The following SORCS2 variants were observed in gnomAD, a reference collection of about 807,000 sequenced individuals.
SORCS2 encodes VPS10 domain-containing receptor SorCS2.
Under a neutral mutation model 141.6 loss-of-function variants are expected in SORCS2, and 100 were observed. The observed-to-expected ratio is 0.71, with a 90% CI of 0.60 to 0.83. The LOEUF is 0.83. Among genes scored for constraint, SORCS2 ranks in the 40% least tolerant of loss-of-function variants. The probability of loss-of-function intolerance (pLI) is 0.00; values close to 1 mark genes in which losing one functional copy is unlikely to be tolerated. For missense variants in SORCS2, 1,646 were observed against 1,560.2 expected, an observed-to-expected ratio of 1.05 and a Z score of -0.93; for synonymous variants, 789 against 676.9, an observed-to-expected ratio of 1.17 and a Z score of -2.57.
At chr4:7,514,781 T>G (rs1732874760) in intron 2 of SORCS2, among the ~76,000 whole-genome samples, 1 of 152,276 alleles carries the variant, frequency 6.6e-6, no homozygotes, top group East Asian at 1.9e-4. Context: ...GTCAGTCACG[T>G]AGGCCCATGT....
intron 3 of SORCS2, among the ~76,000 whole-genome samples, chr4:7,586,188 T>TC (rs960752112): frequency 4.6e-5 from 7 of 152,214 alleles, no homozygotes; most frequent in Admixed American, 1.3e-4. Flanking sequence ...GGCCATTTTT[T>TC]CCCTCCCATT....
At chr4:7,313,901 C>T (rs191813873) in intron 1 of SORCS2, among the ~76,000 whole-genome samples, 1 of 152,286 alleles carries the variant, frequency 6.6e-6, no homozygotes, top group East Asian at 1.9e-4. Context: ...AGGCCCTGTC[C>T]CATTGAGGGC....
At chr4:7,212,455 C>T (rs1728109874) in intron 1 of SORCS2, among the ~76,000 whole-genome samples, 1 of 152,220 alleles carries the variant, frequency 6.6e-6, no homozygotes, top group African/African-American at 2.4e-5. Flanking sequence ...CTCACAGAAC[C>T]AGAATGTCCA....
chr4:7,573,309 C>T (rs1421902229), intron 3 of SORCS2, among the ~76,000 whole-genome samples: 8 of 152,194 alleles, frequency 5.3e-5, no homozygotes, highest in Non-Finnish European at 1.5e-5. Flanking sequence ...AAATTAGCCA[C>T]TCCAGAGACA....
intron 20 of SORCS2, among the ~76,000 whole-genome samples, chr4:7,726,565 C>T (rs903078345): frequency 2.0e-5 from 3 of 152,116 alleles, no homozygotes; most frequent in African/African-American, 7.2e-5. Context: ...CAGAACAAGA[C>T]TCTGTCTCAA....
chr4:7,464,447 G>T (rs908052062), intron 2 of SORCS2, among the ~76,000 whole-genome samples: 1 of 152,210 alleles, frequency 6.6e-6, no homozygotes, highest in Non-Finnish European at 1.5e-5. Context: ...TGGAGGGCTG[G>T]TGGGAGCGGT....
Position 7,396,380 on chromosome 4 carries a change from T to C in SORCS2, c.548+25T>C, listed in dbSNP as rs191961483. On this transcript the variant is annotated intron_variant, in intron 2 of 26. Transcript: ENST00000507866. ...GGTAAGTCAGCCCGATGGCAGGCCTTTCTCTTATGCACCTGCGTGCCATCT... is the reference window on the plus strand; with the variant it reads ...GGTAAGTCAGCCCGATGGCAGGCCTCTCTCTTATGCACCTGCGTGCCATCT... 1.1e-4 allele frequency: 181 copies of C among 1,612,362 alleles called. No homozygotes were observed. In the African/African-American group the frequency reaches 2.2e-3, roughly 20 times the overall value.
At chr4:7,543,868 C>G (rs1712990342) in intron 3 of SORCS2, among the ~76,000 whole-genome samples, 1 of 141,850 alleles carries the variant, frequency 7.0e-6, no homozygotes, top group African/African-American at 2.7e-5. Flanking sequence ...ATCCACCCAT[C>G]CATCCAGCCA....
chr4:7,281,879 G>T lies in SORCS2; in HGVS notation c.480+88753G>T, dbSNP rs754490098. Among the ~76,000 whole-genome samples, 38 of 152,264 alleles carry T rather than the reference G, an allele frequency of 2.5e-4. 1 individual carries two copies. In the Middle Eastern group the frequency reaches 0.01, roughly 41 times the overall value. On this transcript the variant is annotated intron_variant, in intron 1 of 26. Coordinates refer to ENST00000507866, the MANE Select transcript of SORCS2 (RefSeq NM_020777.3). ...ATTCCTTTGCATGCCAGAGATGAGTGCCGAGGGACCGCATTTTCCAGGACT... is the reference window on the plus strand; with the variant it reads ...ATTCCTTTGCATGCCAGAGATGAGTTCCGAGGGACCGCATTTTCCAGGACT...
chr4:7,270,253 A>G (rs1257222026), intron 1 of SORCS2, among the ~76,000 whole-genome samples: 1 of 152,268 alleles, frequency 6.6e-6, no homozygotes, highest in Non-Finnish European at 1.5e-5. Context: ...GCCGCAGAGC[A>G]GGCGGCACCA....
intron 8 of SORCS2, among the ~76,000 whole-genome samples, chr4:7,669,716 C>T (rs146056726): frequency 3.9e-5 from 6 of 152,314 alleles, no homozygotes; most frequent in South Asian, 4.1e-4. Context: ...CCGCAAACCT[C>T]TCACCTCATC....
chr4:7,209,110 A>T (rs1727910795), intron 1 of SORCS2, among the ~76,000 whole-genome samples: 1 of 152,142 alleles, frequency 6.6e-6, no homozygotes, highest in Admixed American at 6.5e-5. Flanking sequence ...CTTCCCTAGG[A>T]GGGAAAGGAC....
chr4:7,586,157 T>C (rs1716520339), intron 3 of SORCS2, among the ~76,000 whole-genome samples: 1 of 152,208 alleles, frequency 6.6e-6, no homozygotes, highest in South Asian at 2.1e-4. Context: ...TGGGGCTTGA[T>C]ATCTGTGCTC....
rs761295970 is a variant in SORCS2 at position 7,726,894 on chromosome 4, C to T, written c.2860C>T (p.Arg954Cys). Residue 954 changes from arginine (R) to cysteine (C), a missense_variant, in exon 21 of 27, where the codon CGT becomes TGT. Arg to Cys is a radical substitution (Grantham distance 180, BLOSUM62 -3). Coordinates refer to ENST00000507866, the MANE Select transcript of SORCS2 (RefSeq NM_020777.3). ...NSVLQDSRVL[R>C]VLDQFQVMPL... Reference sequence around the variant, plus strand: ...GGTGCTGCAGGACTCCAGGGTCCTCCGTGTGCTGGGTAAGTACTTCCTGGG... The same window carrying T: ...GGTGCTGCAGGACTCCAGGGTCCTCTGTGTGCTGGGTAAGTACTTCCTGGG... 11 of 1,613,266 alleles carry T rather than the reference C, an allele frequency of 6.8e-6. No homozygotes were observed. Among genetic ancestry groups the T allele is most frequent in the Non-Finnish European group, 9.3e-6 (11 of 1,179,444 alleles).
rs746746371 is a variant in SORCS2, at chr4:7,734,249, A to G, written c.3209-23A>G. The stretch of plus-strand genomic sequence containing the variant: ...GGATGGGCGGTGCCCGAGGTCCTCC[A>G]CTGACAACCGCTTTGCTTGCAGGTG... On this transcript the variant is annotated intron_variant, in intron 24 of 26. Transcript: ENST00000507866. 6 of 1,565,810 alleles carry G rather than the reference A, an allele frequency of 3.8e-6. No homozygotes were observed. The South Asian group carries it at 5.9e-5, about 15-fold the overall frequency.
chr4:7,281,045 C>T (rs1366788547), intron 1 of SORCS2, among the ~76,000 whole-genome samples: 3 of 152,160 alleles, frequency 2.0e-5, no homozygotes, highest in East Asian at 1.9e-4. Context: ...ATGCGAGTCG[C>T]GTGTCTGAAC....
chr4:7,654,420 TG>T (rs1463025831), intron 5 of SORCS2, among the ~76,000 whole-genome samples: 1 of 152,180 alleles, frequency 6.6e-6, no homozygotes, highest in Non-Finnish European at 1.5e-5. Flanking sequence ...TGCTCCGCAT[TG>T]GGTGGTATCA....
At chr4:7,579,329 C>T (rs1715984690) in intron 3 of SORCS2, among the ~76,000 whole-genome samples, 1 of 152,164 alleles carries the variant, frequency 6.6e-6, no homozygotes, top group Non-Finnish European at 1.5e-5. Context: ...TACAAAATCC[C>T]ATGCGCTGGG....
At chr4:7,449,863 A>C (rs1302574145) in intron 2 of SORCS2, among the ~76,000 whole-genome samples, 1 of 152,164 alleles carries the variant, frequency 6.6e-6, no homozygotes, top group Non-Finnish European at 1.5e-5. Flanking sequence ...CCTCCCAGAG[A>C]GGTTCATGAG....
Sources: gnomAD v4.1 joint callset for allele counts (sites outside exome capture counted in the v4.1 genomes callset) on GRCh38, gnomAD v4.1.1 for gene constraint, MANE v1.5 for transcripts, NCBI Gene and HGNC (gene_info 2026-07-23, HGNC 2026-07-21) for gene names.